The following CDC42SE2 variants were observed in gnomAD, a reference collection of about 807,000 sequenced individuals.
CDC42SE2 encodes CDC42 small effector protein 2.
In CDC42SE2, 3 loss-of-function variants were observed where a neutral mutation model predicts 11.5. The observed-to-expected ratio is 0.26, with a 90% confidence interval of 0.12 to 0.67. The LOEUF (loss-of-function observed/expected upper bound fraction) is 0.67. Ranked by LOEUF, CDC42SE2 falls within the 30% of genes least tolerant of loss-of-function variation. The pLI, the probability that CDC42SE2 is intolerant of heterozygous loss-of-function variation, is 0.80. For missense variants in CDC42SE2, 82 were observed against 106.8 expected, an observed-to-expected ratio of 0.77 and a Z score of 1.02; for synonymous variants, 33 against 34.8, an observed-to-expected ratio of 0.95 and a Z score of 0.18.
At chr5:131,325,216 T>C (rs976332345) in intron 2 of CDC42SE2, among the ~76,000 whole-genome samples, 5 of 152,190 alleles carry the variant, frequency 3.3e-5, no homozygotes, top group Non-Finnish European at 1.5e-5. Context: ...GAAGTGATAA[T>C]GATGCATTAA....
chr5:131,279,902 A>G (rs1757203543), intron 1 of CDC42SE2, among the ~76,000 whole-genome samples: 1 of 152,126 alleles, frequency 6.6e-6, no homozygotes, highest in Non-Finnish European at 1.5e-5. Context: ...GTGAAACCCT[A>G]TCTCTATAAA....
chr5:131,376,386 G>A (rs989641407), intron 3 of CDC42SE2, among the ~76,000 whole-genome samples: 2 of 152,166 alleles, frequency 1.3e-5, no homozygotes, highest in Non-Finnish European at 2.9e-5. Context: ...GCTATAGAAG[G>A]TACTAGCAAA....
At chr5:131,372,673 A>G (rs1750044386) in intron 3 of CDC42SE2, among the ~76,000 whole-genome samples, 1 of 151,822 alleles carries the variant, frequency 6.6e-6, no homozygotes, top group South Asian at 2.1e-4. Context: ...AGATCACGCC[A>G]CTGCACTCCT....
intron 2 of CDC42SE2, among the ~76,000 whole-genome samples, chr5:131,338,540 C>G (rs574052421): frequency 6.6e-6 from 1 of 152,264 alleles, no homozygotes; most frequent in Non-Finnish European, 1.5e-5. Flanking sequence ...GAGCCCCATC[C>G]TGTTGGCAAA....
At chr5:131,310,283 C>G (rs1375904658) in intron 1 of CDC42SE2, among the ~76,000 whole-genome samples, 2 of 151,688 alleles carry the variant, frequency 1.3e-5, no homozygotes, top group Non-Finnish European at 2.9e-5. Context: ...ATCCTGAGTT[C>G]TAGTTTGATT....
intron 1 of CDC42SE2, among the ~76,000 whole-genome samples, chr5:131,304,522 T>C (rs1220350802): frequency 1.3e-5 from 2 of 152,234 alleles, no homozygotes; most frequent in Admixed American, 6.5e-5. Flanking sequence ...ATTGAATGAT[T>C]ATAGTAAAAT....
intron 1 of CDC42SE2, among the ~76,000 whole-genome samples, 186 bp from the exon 2 acceptor site, chr5:131,315,790 A>G (rs558227861): frequency 6.6e-6 from 1 of 152,250 alleles, no homozygotes; most frequent in East Asian, 1.9e-4. Flanking sequence ...ATGGTGGGAA[A>G]AGTGTGTTAA....
rs138449817 is a variant in CDC42SE2 at position 131,343,957 on chromosome 5, C to A, written c.-285-15252C>A. 4.0e-3 allele frequency among the ~76,000 whole-genome samples: 616 copies of A among 152,216 alleles called. 6 individuals carry two copies. Among genetic ancestry groups the A allele is most frequent in the African/African-American group, 0.014 (596 of 41,510 alleles). ...GCCAATATAATATTCTCTCTTATGT[C>A]CCCTACCATAATAATGGATACATTT... On this transcript the variant is annotated intron_variant, in intron 2 of 4. Transcript: ENST00000505065.
At chr5:131,334,408 T>C (rs1185073052) in intron 2 of CDC42SE2, among the ~76,000 whole-genome samples, 1 of 152,236 alleles carries the variant, frequency 6.6e-6, no homozygotes, top group Non-Finnish European at 1.5e-5. Flanking sequence ...TCATCAAGGA[T>C]ATTGGTCTAA....
the CDC42SE2 span, among the ~76,000 whole-genome samples, chr5:131,219,562 G>A: frequency 6.6e-6 from 1 of 152,134 alleles, no homozygotes; most frequent in African/African-American, 2.4e-5. Context: ...TCAATGAGAT[G>A]AGTCATTAAC....
intron 3 of CDC42SE2, among the ~76,000 whole-genome samples, chr5:131,373,558 T>C (rs534813193): frequency 6.6e-6 from 1 of 152,218 alleles, no homozygotes; most frequent in Non-Finnish European, 1.5e-5. Context: ...GAGCTCACCA[T>C]CTGATCACTG....
chr5:131,238,410 G>A, the CDC42SE2 span, among the ~76,000 whole-genome samples: 222 of 151,776 alleles, frequency 1.5e-3, 1 homozygote, highest in African/African-American at 5.2e-3. Flanking sequence ...GGCTGAGGCA[G>A]GAGAATGGTG....
intron 1 of CDC42SE2, among the ~76,000 whole-genome samples, chr5:131,303,313 T>A (rs1374970744): frequency 2.6e-5 from 4 of 152,232 alleles, no homozygotes; most frequent in Non-Finnish European, 5.9e-5. Flanking sequence ...GTATTTGACA[T>A]TAAATGATCA....
At chr5:131,344,849 G>T (rs1758800850) in intron 2 of CDC42SE2, among the ~76,000 whole-genome samples, 2 of 152,212 alleles carry the variant, frequency 1.3e-5, no homozygotes, top group Admixed American at 1.3e-4. Context: ...TGCAATATTT[G>T]CTGTTCTGCA....
chr5:131,321,761 A>G (rs890780690), intron 2 of CDC42SE2, among the ~76,000 whole-genome samples: 2 of 152,144 alleles, frequency 1.3e-5, no homozygotes, highest in Non-Finnish European at 2.9e-5. Context: ...GTAAAAGGAA[A>G]AAAGGGATTC....
chr5:131,229,841 G>A, the CDC42SE2 span, among the ~76,000 whole-genome samples: 1 of 152,104 alleles, frequency 6.6e-6, no homozygotes, highest in Non-Finnish European at 1.5e-5. Context: ...AGCTGAGGTG[G>A]GAAGATCACT....
At position 131,391,147 on chromosome 5, in the gene CDC42SE2, A is replaced by C; in HGVS notation, c.*56A>C. The C allele has an allele frequency of 8.2e-7, 1 of 1,225,032 alleles. No individual in the cohort carries two copies. The highest frequency in any genetic ancestry group is 1.2e-6 in the Non-Finnish European group (1 of 842,908). The allele number at this position is 1,225,032 out of a possible 1,614,324, so 75.9% of individuals were successfully genotyped here. On this transcript the variant is annotated 3_prime_UTR_variant, in exon 5 of 5. Transcript: ENST00000505065. ...GCTGGGGTCTGGACCTGACGGCCAG[A>C]CATGGCCAGGCCAATAATAGTAAAT...
chr5:131,341,374 A>T (rs1234470024), intron 2 of CDC42SE2, among the ~76,000 whole-genome samples: 1 of 152,170 alleles, frequency 6.6e-6, no homozygotes, highest in African/African-American at 2.4e-5. Context: ...GTTAGCAGAT[A>T]CTGAAATAGT....
intron 1 of CDC42SE2, among the ~76,000 whole-genome samples, chr5:131,310,625 G>A (rs1249112470): frequency 6.6e-6 from 1 of 151,706 alleles, no homozygotes. Context: ...ATGAATCTGG[G>A]TGCTCCTGTA....
Sources: gnomAD v4.1 joint callset for allele counts (sites outside exome capture counted in the v4.1 genomes callset) on GRCh38, gnomAD v4.1.1 for gene constraint, MANE v1.5 for transcripts, NCBI Gene and HGNC (gene_info 2026-07-23, HGNC 2026-07-21) for gene names.